The following WRAP53 variants were observed in gnomAD, a reference collection of about 807,000 sequenced individuals.
WRAP53 encodes the protein telomerase Cajal body protein 1.
A neutral mutation model predicts 56.6 loss-of-function variants in WRAP53; 28 were observed. The observed-to-expected ratio is 0.50, with a 90% CI of 0.37 to 0.68. WRAP53 has a LOEUF of 0.68. Ranked by LOEUF, WRAP53 falls within the 30% of genes least tolerant of loss-of-function variation. The pLI, the probability that WRAP53 is intolerant of heterozygous loss-of-function variation, is 0.00. For missense variants in WRAP53, 671 were observed against 715.5 expected (o/e 0.94, Z 0.71); for synonymous variants, 283 against 283.4 (o/e 1.00, Z 0.01).
At chr17:7,693,218 C>A (rs2074138696) in intron 4 of WRAP53, among the ~76,000 whole-genome samples, 2 of 148,142 alleles carry the variant, frequency 1.4e-5, no homozygotes, top group African/African-American at 5.2e-5. Context: ...AAAATCAGAC[C>A]CACCAAGGCA....
At chr17:7,699,470 A>ATATATT (rs1391964259) in intron 4 of WRAP53, among the ~76,000 whole-genome samples, 3 of 13,508 alleles carry the variant, frequency 2.2e-4, no homozygotes, top group Non-Finnish European at 3.7e-4. Flanking sequence ...ATATATATAT[A>ATATATT]TATATTTATA....
chr17:7,699,502 T>TATATTTA (rs1567577549), intron 4 of WRAP53, among the ~76,000 whole-genome samples: 172 of 11,722 alleles, frequency 0.015, 13 homozygotes, highest in Non-Finnish European at 0.019. Flanking sequence ...ATATATATAT[T>TATATTTA]TATATATATA....
intron 4 of WRAP53, among the ~76,000 whole-genome samples, chr17:7,695,424 C>A (rs8067640): frequency 6.6e-6 from 1 of 152,034 alleles, no homozygotes; most frequent in Non-Finnish European, 1.5e-5. Context: ...AGCTCCCCAG[C>A]GTCTTTCCTG....
At position 7,702,082 on chromosome 17, in the gene WRAP53, G is replaced by A. The variant is rs549048110; in HGVS notation, c.956-262G>A. On this transcript the variant is annotated intron_variant, in intron 7 of 10. Transcript: ENST00000396463. This position sits in a 1 kb window ranked among gnomAD's most constrained non-coding sequence, Gnocchi z 5.0. ...GAAAATTGTTGATAAAGCTGATTCC[G>A]TTTTCCTGTAGGCCTTCAACTTGCA... 380 of 716,218 alleles carry A rather than the reference G, an allele frequency of 5.3e-4. 2 individuals are homozygous for A. Among genetic ancestry groups the A allele is most frequent in the South Asian group, 4.4e-3 (287 of 65,356 alleles). The allele number at this position is 716,218 out of a possible 1,614,324, so 44.4% of individuals were successfully genotyped here.
intron 4 of WRAP53, among the ~76,000 whole-genome samples, chr17:7,699,504 ATATATATATATATATATTTAT>A (rs2074241872): frequency 5.5e-5 from 1 of 18,086 alleles, no homozygotes; most frequent in African/African-American, 2.7e-4. Flanking sequence ...ATATATATTT[ATATATATATATATATATTTAT>A]ATATATATAT....
In WRAP53 at chr17:7,702,401, C is replaced by G; in HGVS notation, c.1013C>G (p.Pro338Arg). 6.2e-7 allele frequency: 1 copy of G among 1,614,198 alleles called. No individual in the cohort carries two copies. Among genetic ancestry groups the G allele is most frequent in the Non-Finnish European group, 8.5e-7 (1 of 1,180,032 alleles). ...TGCATAGCCTTCAGCCCAGCCCAGC[C>G]CCTCTATGCCTGTGGCTCCTACGGC... ...ISCIAFSPAQPLYACGSYGRS... is the reference protein window; with the variant it reads ...ISCIAFSPAQRLYACGSYGRS... Residue 338 changes from proline (P) to arginine (R), a missense_variant, in exon 8 of 11, where the codon CCC (proline) becomes CGC (arginine). By Grantham distance (103) the Pro-to-Arg change is moderately radical. This residue lies in a region of WRAP53 where 158 missense variants were observed against 215.7 expected (regional missense o/e 0.73). Coordinates refer to ENST00000396463, the MANE Select transcript of WRAP53 (RefSeq NM_001143992.2). This position sits in a 1 kb window ranked among gnomAD's most constrained non-coding sequence, Gnocchi z 5.0.
At chr17:7,697,870 C>CTT (rs35262309) in intron 4 of WRAP53, among the ~76,000 whole-genome samples, 44,545 of 143,678 alleles carry the variant, frequency 0.31, 9,286 homozygotes, top group African/African-American at 0.59. Flanking sequence ...ACAATAGACA[C>CTT]TTTTTTTTTT....
chr17:7,701,914 G>T lies in WRAP53; in HGVS notation c.955+125G>T, dbSNP rs757693837. 171 of 1,479,430 alleles carry T rather than the reference G, an allele frequency of 1.2e-4. No homozygotes were observed. Among genetic ancestry groups the T allele is most frequent in the Non-Finnish European group, 1.4e-4 (157 of 1,093,712 alleles). The allele number at this position is 1,479,430 out of a possible 1,614,324, so 91.6% of individuals were successfully genotyped here. On this transcript the variant is annotated intron_variant, in intron 7 of 10. Transcript: ENST00000396463. This position sits in a 1 kb window ranked among gnomAD's most constrained non-coding sequence, Gnocchi z 4.2. ...GTCCTCTGTACGGCCCCGGGAGCAG[G>T]TGCAGCCCAGTCGGCAGAGGAGCAA...
chr17:7,703,209 A>G (rs2074299514), intron 10 of WRAP53, 34 bp from the exon 11 acceptor site: 1 of 1,612,952 alleles, frequency 6.2e-7, no homozygotes, highest in African/African-American at 1.3e-5. Context: ...TCCTCACTGA[A>G]GGCACTGATA....
rs2074285253 is a variant in WRAP53, at chr17:7,702,268, G to A, written c.956-76G>A. On this transcript the variant is annotated intron_variant, in intron 7 of 10. Coordinates refer to ENST00000396463, the MANE Select transcript of WRAP53 (RefSeq NM_001143992.2). This position sits in a 1 kb window ranked among gnomAD's most constrained non-coding sequence, Gnocchi z 5.0. ...TCCAAGCATGTTGGTGCTGGGACGGGAGACAGACCTCTGCTTAGCCTGGTT... is the reference window on the plus strand; with the variant it reads ...TCCAAGCATGTTGGTGCTGGGACGGAAGACAGACCTCTGCTTAGCCTGGTT... The A allele has an allele frequency of 1.3e-6, 2 of 1,516,146 alleles. No homozygotes were observed. Among genetic ancestry groups the A allele is most frequent in the African/African-American group, 1.4e-5 (1 of 72,894 alleles). The allele number at this position is 1,516,146 out of a possible 1,614,324, so 93.9% of individuals were successfully genotyped here.
intron 10 of WRAP53, 42 bp downstream of exon 10, chr17:7,703,169 G>A: frequency 6.2e-7 from 1 of 1,613,716 alleles, no homozygotes; most frequent in South Asian, 1.1e-5. Context: ...TTGGGTTGGG[G>A]AGGGAGGTGA....
chr17:7,699,508 A>ATATT (rs2074242675), intron 4 of WRAP53, among the ~76,000 whole-genome samples: 20 of 25,788 alleles, frequency 7.8e-4, no homozygotes, highest in Non-Finnish European at 5.6e-4. Context: ...ATATTTATAT[A>ATATT]TATATATATA....
chr17:7,691,864 T>C (rs2074115038), intron 4 of WRAP53, among the ~76,000 whole-genome samples: 1 of 150,570 alleles, frequency 6.6e-6, no homozygotes, highest in Admixed American at 6.6e-5. Context: ...TGAGACAGAG[T>C]CTTGCTCTGT....
In WRAP53 at chr17:7,702,321, C is replaced by T; in HGVS notation, c.956-23C>T. 1 of 1,613,880 alleles carries T rather than the reference C, an allele frequency of 6.2e-7. No homozygotes were observed. Among genetic ancestry groups the T allele is most frequent in the Non-Finnish European group, 8.5e-7 (1 of 1,179,788 alleles). ...TGCCAGGAGCCATTGCCCCCTCCCC[C>T]ACTTTGTTCCTTCCCTCTCTAGCAA... On this transcript the variant is annotated intron_variant, in intron 7 of 10. Coordinates refer to ENST00000396463, the MANE Select transcript of WRAP53 (RefSeq NM_001143992.2). The surrounding 1 kb of genome is among the most constrained non-coding windows in gnomAD (Gnocchi z 5.0).
intron 4 of WRAP53, 49 bp downstream of exon 4, chr17:7,689,750 C>T (rs541054546): frequency 6.9e-7 from 1 of 1,455,332 alleles, no homozygotes; most frequent in Admixed American, 1.7e-5. Context: ...ACATTTAAGT[C>T]CTTCGTGGAG....
chr17:7,694,498 CT>C (rs2099429870), intron 4 of WRAP53, among the ~76,000 whole-genome samples: 1 of 152,136 alleles, frequency 6.6e-6, no homozygotes, highest in Non-Finnish European at 1.5e-5. Flanking sequence ...CCATTTCCGC[CT>C]CCTAAAGTGC....
chr17:7,697,776 A>C (rs1471605808), intron 4 of WRAP53, among the ~76,000 whole-genome samples: 3 of 152,234 alleles, frequency 2.0e-5, no homozygotes, highest in African/African-American at 7.2e-5. Flanking sequence ...ATGGAAATAC[A>C]AATTTATGCT....
chr17:7,701,569 G>A lies in WRAP53; in HGVS notation c.822+20G>A, dbSNP rs773435838. The A allele has an allele frequency of 6.2e-7, 1 of 1,614,242 alleles. No individual in the cohort carries two copies. Among genetic ancestry groups the A allele is most frequent in the Non-Finnish European group, 8.5e-7 (1 of 1,180,046 alleles). On this transcript the variant is annotated intron_variant, in intron 6 of 10. Coordinates refer to ENST00000396463, the MANE Select transcript of WRAP53 (RefSeq NM_001143992.2). The surrounding 1 kb of genome is among the most constrained non-coding windows in gnomAD (Gnocchi z 4.2). ...CACCTGGTAGGGACCGCCATACTCAGCCCCAGCACTCGTACTGGCCCGGCT... is the reference window on the plus strand; with the variant it reads ...CACCTGGTAGGGACCGCCATACTCAACCCCAGCACTCGTACTGGCCCGGCT...
chr17:7,701,335 C>A lies in WRAP53; in HGVS notation c.732-124C>A, dbSNP rs2074270346. On this transcript the variant is annotated intron_variant, in intron 5 of 10. Transcript: ENST00000396463. The surrounding 1 kb of genome is among the most constrained non-coding windows in gnomAD (Gnocchi z 4.2). Reference sequence around the variant, plus strand: ...GGCCAGGCTGGTCTCGAACTCCTGACCTCAAGTGATCCACCTGCCTTGGCC... The same window carrying A: ...GGCCAGGCTGGTCTCGAACTCCTGAACTCAAGTGATCCACCTGCCTTGGCC... The A allele has an allele frequency of 9.8e-7, 1 of 1,023,150 alleles. No homozygotes were observed. 63.4% of individuals were successfully genotyped at this position (1,023,150 alleles called of 1,614,324 possible). A position where few individuals can be genotyped will look rare whatever the true frequency, so the allele number is the denominator to read the frequency against.
Sources: gnomAD v4.1 joint callset for allele counts (sites outside exome capture counted in the v4.1 genomes callset) on GRCh38, gnomAD v4.1.1 for gene constraint, gnomAD v4.1.1 regional missense constraint, Gnocchi (gnomAD v3.1) non-coding constraint, MANE v1.5 for transcripts, NCBI Gene and HGNC (gene_info 2026-07-23, HGNC 2026-07-21) for gene names.